The following UNC119B variants were observed in gnomAD, a reference collection of about 807,000 sequenced individuals.
The protein encoded by UNC119B is unc-119 lipid binding chaperone B.
Under a neutral mutation model 23.4 loss-of-function variants are expected in UNC119B, and 16 were observed. The observed-to-expected ratio is 0.68, with a 90% CI of 0.46 to 1.04. The LOEUF is 1.04. Ranked by LOEUF, UNC119B falls within the 50% of genes least tolerant of loss-of-function variation. The pLI is 0.00. For missense variants in UNC119B, 350 were observed against 361.3 expected (o/e 0.97, Z 0.25); for synonymous variants, 144 against 145.4 (o/e 0.99, Z 0.07).
intron 1 of UNC119B, chr12:120,711,049 C>T (rs1464743445): frequency 4.9e-6 from 1 of 204,142 alleles, no homozygotes; most frequent in African/African-American, 2.3e-5. Flanking sequence ...GGCCGGGGGC[C>T]GAGGTCCCCT....
intron 4 of UNC119B, among the ~76,000 whole-genome samples, chr12:120,718,749 T>TG (rs1209045525): frequency 6.6e-6 from 1 of 152,228 alleles, no homozygotes; most frequent in African/African-American, 2.4e-5. Context: ...TAGTGATGCC[T>TG]GTAGTTGCCT....
At position 120,717,003 on chromosome 12, in the gene UNC119B, G is replaced by C; in HGVS notation, c.604G>C (p.Glu202Gln). The change falls in exon 4 of 5, where the codon GAA becomes CAA. Residue 202 changes from glutamate to glutamine, a missense_variant. Physicochemically the swap from Glu to Gln is conservative, Grantham distance 29. Coordinates refer to ENST00000344651, the MANE Select transcript of UNC119B (RefSeq NM_001080533.3). Reference sequence around the variant, plus strand: ...CATCCCCAGCAGTAGGAACACTTGTGAACATATCTATGAGTTTCCCCAGCT... The same window carrying C: ...CATCCCCAGCAGTAGGAACACTTGTCAACATATCTATGAGTTTCCCCAGCT... ...FCIPSSRNTC[E>Q]HIYEFPQLSE... The C allele has an allele frequency of 1.2e-6, 2 of 1,610,628 alleles. No homozygotes were observed. The highest frequency in any genetic ancestry group is 1.7e-6 in the Non-Finnish European group (2 of 1,178,178).
rs1882954215 is a variant in UNC119B, at chr12:120,723,328, TACTC to T, written c.*3299_*3302del. 6.5e-6 allele frequency: 1 copy of T among 154,142 alleles called. No individual in the cohort carries two copies. Among genetic ancestry groups the T allele is most frequent in the African/African-American group, 2.4e-5 (1 of 41,626 alleles). 9.5% of individuals were successfully genotyped at this position (154,142 alleles called of 1,614,324 possible). A position where few individuals can be genotyped will look rare whatever the true frequency, so the allele number is the denominator to read the frequency against. ...GAGCCTAATCATTGAACCATTGTGTTACTCACATTCCATGTCACAGAACATATCA... is the reference window on the plus strand; with the variant it reads ...GAGCCTAATCATTGAACCATTGTGTTACATTCCATGTCACAGAACATATCA... On this transcript the variant is annotated 3_prime_UTR_variant, in exon 5 of 5. Transcript: ENST00000344651.
intron 1 of UNC119B, 28 bp downstream of exon 1, chr12:120,710,746 C>G (rs1882645926): frequency 7.6e-7 from 1 of 1,308,896 alleles, no homozygotes; most frequent in South Asian, 2.1e-5. Flanking sequence ...CGCGCCCTCC[C>G]CTCGCGCCGT....
rs1448363058 is a variant in UNC119B at position 120,720,012 on chromosome 12, G to T, written c.736G>T (p.Ala246Ser). ...GATAATGCACAACAAGGCTGATTAT[G>T]CCTATAATGGAGGCCAGTAAGTGCT... ...KLIMHNKADY[A>S]YNGGQ Residue 246 changes from alanine (A) to serine (S), a missense_variant, in exon 5 of 5, where the codon GCC (alanine) becomes TCC (serine). Physicochemically the swap from Ala to Ser is moderately conservative, Grantham distance 99. Coordinates refer to ENST00000344651, the MANE Select transcript of UNC119B (RefSeq NM_001080533.3). The T allele has an allele frequency of 3.1e-6, 5 of 1,613,784 alleles. No homozygotes were observed. Among genetic ancestry groups the T allele is most frequent in the Non-Finnish European group, 4.2e-6 (5 of 1,179,824 alleles).
At position 120,721,691 on chromosome 12, in the gene UNC119B, T is replaced by C. The variant is rs61229807; in HGVS notation, c.*1659T>C. On this transcript the variant is annotated 3_prime_UTR_variant, in exon 5 of 5. Transcript: ENST00000344651. ...AAGGTCCTAGCTTACCCCTGTGTGC[T>C]GGCCTTGGATTCAGCCCCGAGAGAG... 0.048 allele frequency: 7,270 copies of C among 152,826 alleles called. 355 individuals are homozygous for C. Among genetic ancestry groups the C allele is most frequent in the East Asian group, 0.14 (749 of 5,188 alleles). The allele number at this position is 152,826 out of a possible 1,614,324, so 9.5% of individuals were successfully genotyped here.
At position 120,716,707 on chromosome 12, in the gene UNC119B, G is replaced by A. The variant is rs187945744; in HGVS notation, c.438G>A (p.Pro146=). Residue 146 remains proline (P), a synonymous_variant, in exon 3 of 5, where the codon CCG becomes CCA. Transcript: ENST00000344651. ...AGRFVRYQFT[P]AFLRLRTVGA... is the part of the protein sequence containing the mutation. The stretch of plus-strand genomic sequence containing the variant: ...GTTTTGTCCGCTATCAGTTCACACC[G>A]GCATTTCTCCGCCTCCGGACAGTCG... 5.8e-5 allele frequency: 93 copies of A among 1,614,134 alleles called. 2 individuals carry two copies. The Middle Eastern group carries it at 8.2e-4, about 14-fold the overall frequency.
rs1038254666 is a variant in UNC119B, at chr12:120,713,361, T to C, written c.332T>C (p.Phe111Ser). The change falls in exon 2 of 5, where the codon TTT becomes TCT. Residue 111 changes from phenylalanine (F) to serine (S), a missense_variant. By Grantham distance (155) the Phe-to-Ser change is radical (BLOSUM62 -2). Coordinates refer to ENST00000344651, the MANE Select transcript of UNC119B (RefSeq NM_001080533.3). ...GATTTGGAGACAGGGACAGTACTTT[T>C]TGAGATTGCCAAACCTTGCGTTTCA... Reference protein sequence around the residue: ...IRDLETGTVLFEIAKPCVSDQ... With the variant: ...IRDLETGTVLSEIAKPCVSDQ... The C allele has an allele frequency of 6.2e-7, 1 of 1,614,160 alleles. No individual in the cohort carries two copies. Among genetic ancestry groups the C allele is most frequent in the Non-Finnish European group, 8.5e-7 (1 of 1,179,964 alleles).
intron 1 of UNC119B, among the ~76,000 whole-genome samples, chr12:120,712,362 C>G (rs1882688108): frequency 6.6e-6 from 1 of 152,058 alleles, no homozygotes; most frequent in Admixed American, 6.6e-5. Flanking sequence ...TTGTAAAACA[C>G]GAAAACAACT....
At chr12:120,714,614 G>C (rs1484223632) in intron 2 of UNC119B, among the ~76,000 whole-genome samples, 1 of 152,072 alleles carries the variant, frequency 6.6e-6, no homozygotes, top group Non-Finnish European at 1.5e-5. Context: ...CACCGCGCCT[G>C]GTTGCTTATG....
Position 120,715,206 on chromosome 12 carries a change from A to G in UNC119B, c.359-1422A>G, listed in dbSNP as rs180803495. 2.1e-4 allele frequency among the ~76,000 whole-genome samples: 32 copies of G among 152,266 alleles called. 1 individual carries two copies. Among genetic ancestry groups the G allele is most frequent in the Non-Finnish European group, 4.6e-4 (31 of 68,026 alleles). The stretch of plus-strand genomic sequence containing the variant: ...ACCCTATCTCAAAATAAATCAATAA[A>G]TATAAACAACAGATTATCCTCACAC... On this transcript the variant is annotated intron_variant, in intron 2 of 4. Transcript: ENST00000344651.
At chr12:120,714,474 C>G (rs1272668872) in intron 2 of UNC119B, among the ~76,000 whole-genome samples, 1 of 152,128 alleles carries the variant, frequency 6.6e-6, no homozygotes, top group Non-Finnish European at 1.5e-5. Flanking sequence ...GTGCCCACCA[C>G]CATGCCTAGC....
At chr12:120,719,233 A>G (rs1232274695) in intron 4 of UNC119B, among the ~76,000 whole-genome samples, 1 of 152,244 alleles carries the variant, frequency 6.6e-6, no homozygotes, top group Non-Finnish European at 1.5e-5. Context: ...GCATGTAATC[A>G]TTAACTCAAA....
chr12:120,713,016 T>C (rs572366871), intron 1 of UNC119B, among the ~76,000 whole-genome samples: 2 of 152,238 alleles, frequency 1.3e-5, no homozygotes, highest in East Asian at 3.8e-4. Flanking sequence ...TCCAAAGAAA[T>C]CCACCTTTTC....
At chr12:120,715,919 C>A (rs955357109) in intron 2 of UNC119B, among the ~76,000 whole-genome samples, 1 of 152,202 alleles carries the variant, frequency 6.6e-6, no homozygotes, top group Non-Finnish European at 1.5e-5. Flanking sequence ...GAGGCCACCA[C>A]ATCTGCTTCA....
intron 4 of UNC119B, among the ~76,000 whole-genome samples, chr12:120,717,624 G>T (rs989522763): frequency 6.6e-6 from 1 of 151,316 alleles, no homozygotes. Context: ...GTGCAGTGGC[G>T]CAGTCTTGGC....
Position 120,713,351 on chromosome 12 carries a change from A to G in UNC119B, c.322A>G (p.Thr108Ala), listed in dbSNP as rs771787587. Residue 108 changes from threonine to alanine, a missense_variant, in exon 2 of 5, where the codon ACA becomes GCA. Thr to Ala is a moderately conservative substitution (Grantham distance 58). Coordinates refer to ENST00000344651, the MANE Select transcript of UNC119B (RefSeq NM_001080533.3). ...CAAAATTCGAGATTTGGAGACAGGG[A>G]CAGTACTTTTTGAGATTGCCAAACC... The part of the protein sequence containing the change: ...RFKIRDLETG[T>A]VLFEIAKPCV... 1 of 1,614,160 alleles carries G rather than the reference A, an allele frequency of 6.2e-7. No individual in the cohort carries two copies. The highest frequency in any genetic ancestry group is 1.7e-5 in the Admixed American group (1 of 60,018).
At position 120,717,120 on chromosome 12, in the gene UNC119B, G is replaced by T. The variant is rs1000858810; in HGVS notation, c.643+78G>T. The stretch of plus-strand genomic sequence containing the variant: ...CAAACCTTGAAACCCATCTGGTCCA[G>T]CGCCCTGGCATTGTCTCGTGGCAGT... On this transcript the variant is annotated intron_variant, in intron 4 of 4. Transcript: ENST00000344651. 7 of 1,426,304 alleles carry T rather than the reference G, an allele frequency of 4.9e-6. No individual in the cohort carries two copies. In the African/African-American group the frequency reaches 1.0e-4, roughly 20 times the overall value. 88.4% of individuals were successfully genotyped at this position (1,426,304 alleles called of 1,614,324 possible).
intron 2 of UNC119B, 61 bp downstream of exon 2, chr12:120,713,448 A>C: frequency 7.9e-7 from 1 of 1,270,230 alleles, no homozygotes; most frequent in South Asian, 1.2e-5. Flanking sequence ...TTGAAACTCA[A>C]ATCTTTGTGT....
Sources: allele counts gnomAD v4.1 joint callset (sites outside exome capture counted in the v4.1 genomes callset), GRCh38; gene constraint gnomAD v4.1.1; transcripts MANE v1.5; gene names NCBI Gene and HGNC (gene_info 2026-07-23, HGNC 2026-07-21).